The following IQSEC1 variants were observed in gnomAD, a reference collection of about 807,000 sequenced individuals.
IQSEC1 encodes the protein IQ motif and SEC7 domain-containing protein 1.
In IQSEC1, 31 loss-of-function variants were observed where a neutral mutation model predicts 91.0. The ratio of observed to expected loss-of-function variants is 0.34; its 90% confidence interval spans 0.26 to 0.46. IQSEC1 has a LOEUF of 0.46. Ranked by LOEUF, IQSEC1 falls within the 20% of genes least tolerant of loss-of-function variation. IQSEC1 has a pLI of 1.00. For missense variants in IQSEC1, 1,388 were observed against 1,575.6 expected, an observed-to-expected ratio of 0.88 and a Z score of 2.02; for synonymous variants, 699 against 662.6, an observed-to-expected ratio of 1.05 and a Z score of -0.84.
chr3:13,161,388 T>G (rs1056840907), intron 2 of IQSEC1, among the ~76,000 whole-genome samples: 42 of 152,180 alleles, frequency 2.8e-4, no homozygotes, highest in Non-Finnish European at 5.9e-4. Flanking sequence ...CAGAGAGAAC[T>G]GCAGTCAGGA....
At chr3:12,907,612 T>C (rs984948048) in intron 12 of IQSEC1, among the ~76,000 whole-genome samples, 1 of 152,202 alleles carries the variant, frequency 6.6e-6, no homozygotes, top group Non-Finnish European at 1.5e-5. Context: ...GTGCCTCTTT[T>C]CTCTCCTGCC....
At chr3:13,178,193 C>A (rs1409262188) in intron 1 of IQSEC1, among the ~76,000 whole-genome samples, 1 of 152,262 alleles carries the variant, frequency 6.6e-6, no homozygotes, top group African/African-American at 2.4e-5. Context: ...TTCCTTTCAA[C>A]AAATATTTCA....
chr3:12,927,348 G>A (rs1697235778), intron 3 of IQSEC1, among the ~76,000 whole-genome samples: 1 of 151,084 alleles, frequency 6.6e-6, no homozygotes, highest in Non-Finnish European at 1.5e-5. Context: ...CAGTGAGTGG[G>A]GGAGCCGGGC....
intron 1 of IQSEC1, among the ~76,000 whole-genome samples, chr3:12,963,750 C>CAG (rs1700382527): frequency 1.3e-5 from 2 of 152,360 alleles, no homozygotes; most frequent in South Asian, 4.1e-4. Context: ...CCATTTCACA[C>CAG]TACTAACCTC....
At chr3:13,173,777 T>C (rs1413579491) in intron 1 of IQSEC1, among the ~76,000 whole-genome samples, 1 of 152,244 alleles carries the variant, frequency 6.6e-6, no homozygotes, top group East Asian at 1.9e-4. Context: ...TCCAGAGTAG[T>C]GGTTCTCTGA....
intron 1 of IQSEC1, among the ~76,000 whole-genome samples, chr3:13,242,890 A>T (rs1181677636): frequency 6.6e-6 from 1 of 151,864 alleles, no homozygotes; most frequent in Non-Finnish European, 1.5e-5. Flanking sequence ...GGTGAGGAAA[A>T]AAGAGAAAAG....
chr3:13,247,133 A>AAGCTGGTCTGAT (rs1695121471), intron 1 of IQSEC1, among the ~76,000 whole-genome samples: 1 of 152,058 alleles, frequency 6.6e-6, no homozygotes, highest in East Asian at 1.9e-4. Flanking sequence ...ACTTGCCTAA[A>AAGCTGGTCTGAT]ACCTGCTGGT....
At chr3:12,920,367 G>GGGCCT in intron 6 of IQSEC1, 63 bp downstream of exon 6, 1 of 1,552,870 alleles carries the variant, frequency 6.4e-7, no homozygotes. Flanking sequence ...CATCTGGGGA[G>GGGCCT]GGCCTGGCTG....
chr3:13,225,737 G>C (rs1408049366), intron 1 of IQSEC1, among the ~76,000 whole-genome samples: 1 of 152,192 alleles, frequency 6.6e-6, no homozygotes, highest in African/African-American at 2.4e-5. Context: ...CAGGACAATG[G>C]AAGCAAGGAA....
chr3:13,081,708 C>G (rs1036359799), intron 2 of IQSEC1, among the ~76,000 whole-genome samples: 3 of 152,180 alleles, frequency 2.0e-5, no homozygotes, highest in African/African-American at 7.2e-5. Flanking sequence ...GGAGAGGAGG[C>G]TGGGATTCTG....
intron 1 of IQSEC1, among the ~76,000 whole-genome samples, chr3:13,205,345 C>T (rs1311178607): frequency 1.3e-5 from 2 of 152,074 alleles, no homozygotes; most frequent in Non-Finnish European, 2.9e-5. Flanking sequence ...CTCAGAAGCA[C>T]CAGACAGGAC....
intron 3 of IQSEC1, among the ~76,000 whole-genome samples, chr3:12,931,743 T>A (rs886514308): frequency 6.6e-6 from 1 of 152,106 alleles, no homozygotes; most frequent in Admixed American, 6.5e-5. Context: ...CTGCAGTAGC[T>A]CCAGCAGGTG....
chr3:13,021,902 G>C (rs1221311611), intron 1 of IQSEC1: 1 of 497,972 alleles, frequency 2.0e-6, no homozygotes, highest in Non-Finnish European at 3.1e-6. Context: ...TCCTCCTCCC[G>C]CTCCACCAGA....
At chr3:12,937,000 T>C (rs1400828961) in intron 2 of IQSEC1, among the ~76,000 whole-genome samples, 1 of 151,602 alleles carries the variant, frequency 6.6e-6, no homozygotes, top group African/African-American at 2.4e-5. Flanking sequence ...TGGCACAATC[T>C]CGGTTCACTG....
At chr3:13,268,583 C>G (rs755180532) in intron 1 of IQSEC1, among the ~76,000 whole-genome samples, 32 of 152,140 alleles carry the variant, frequency 2.1e-4, no homozygotes, top group South Asian at 4.2e-4. Flanking sequence ...GATGAGACTG[C>G]ACTGATGTCA....
intron 1 of IQSEC1, among the ~76,000 whole-genome samples, chr3:12,959,116 T>C (rs1159497667): frequency 1.3e-5 from 2 of 152,118 alleles, no homozygotes; most frequent in Non-Finnish European, 2.9e-5. Context: ...TGTCAGGGCC[T>C]GGGCAGGAGC....
In IQSEC1 at chr3:13,072,998, C is replaced by G. The variant is rs1367530213; in HGVS notation, c.17G>C (p.Arg6Pro). 6.4e-7 allele frequency: 1 copy of G among 1,551,508 alleles called. No individual in the cohort carries two copies. The highest frequency in any genetic ancestry group is 8.7e-7 in the Non-Finnish European group (1 of 1,146,900). MACRRRYFVEGEAPSS... is the reference protein window; with the variant it reads MACRRPYFVEGEAPSS... Reference sequence around the variant, plus strand: ...ACCTGCCACATATACTCACAAATAGCGTCTTCTGCAAGCCATCCTGTGTGA... The same window carrying G: ...ACCTGCCACATATACTCACAAATAGGGTCTTCTGCAAGCCATCCTGTGTGA... The change falls in exon 1 of 14, where the codon CGC becomes CCC. Residue 6 changes from arginine to proline, a missense_variant. Around this residue, in one of 2 missense-constraint regions of IQSEC1, gnomAD observed 1,059 missense variants for 1,317.8 expected, o/e 0.80. Coordinates refer to ENST00000613206, the MANE Select transcript of IQSEC1 (RefSeq NM_001134382.3).
intron 8 of IQSEC1, among the ~76,000 whole-genome samples, chr3:12,914,524 G>A (rs1265650959): frequency 1.3e-5 from 2 of 152,212 alleles, no homozygotes; most frequent in African/African-American, 4.8e-5. Context: ...GGATGGGAGG[G>A]TTCGGGGAGC....
At chr3:13,108,111 G>A (rs1300197593) in intron 2 of IQSEC1, among the ~76,000 whole-genome samples, 1 of 152,202 alleles carries the variant, frequency 6.6e-6, no homozygotes. Context: ...ATTTCCCCAG[G>A]GGATTGTTTT....
Sources: gnomAD v4.1 joint callset for allele counts (sites outside exome capture counted in the v4.1 genomes callset) on GRCh38, gnomAD v4.1.1 for gene constraint, gnomAD v4.1.1 regional missense constraint, MANE v1.5 for transcripts, NCBI Gene and HGNC (gene_info 2026-07-23, HGNC 2026-07-21) for gene names.